The following ZNF251 variants were observed in gnomAD, a reference collection of about 807,000 sequenced individuals.
The protein encoded by ZNF251 is zinc finger protein 251.
Under a neutral mutation model 13.5 loss-of-function variants are expected in ZNF251, and 14 were observed. That is an observed-to-expected ratio of 1.04 (90% confidence interval 0.69 to 1.63). The LOEUF (loss-of-function observed/expected upper bound fraction) is 1.63. Ranked by LOEUF, ZNF251 falls within the 40% of genes most tolerant of loss-of-function variation. The pLI is 0.00. For missense variants in ZNF251, 764 were observed against 834.9 expected, an observed-to-expected ratio of 0.92 and a Z score of 1.05; for synonymous variants, 287 against 295.2, an observed-to-expected ratio of 0.97 and a Z score of 0.28.
intron 4 of ZNF251, among the ~76,000 whole-genome samples, chr8:144,743,148 C>T (rs1824246696): frequency 6.6e-6 from 1 of 152,178 alleles, no homozygotes; most frequent in Non-Finnish European, 1.5e-5. Flanking sequence ...ACTGCAAACT[C>T]CGCCTCCCGG....
intron 4 of ZNF251, among the ~76,000 whole-genome samples, chr8:144,730,602 C>T (rs1823665346): frequency 6.6e-6 from 1 of 152,102 alleles, no homozygotes; most frequent in African/African-American, 2.4e-5. Flanking sequence ...ACGGGGCGTC[C>T]CGGGGCAGGG....
chr8:144,754,688 T>C lies in ZNF251; in HGVS notation c.33+8A>G, dbSNP rs1341465571. On this transcript the variant is annotated splice_region_variant and intron_variant, in intron 2 of 4. Coordinates refer to ENST00000292562, the MANE Select transcript of ZNF251 (RefSeq NM_138367.2). ...TGAAGAGGTGGGCAGGAAGGAGGGT[T>C]AACTCACCTGGTGCCCTGGAAGCTG... 4 of 1,607,628 alleles carry C rather than the reference T, an allele frequency of 2.5e-6. No homozygotes were observed. The East Asian group carries it at 8.9e-5, about 36-fold the overall frequency.
Position 144,722,190 on chromosome 8 carries a change from G to A in ZNF251, c.1470C>T (p.Asp490=), listed in dbSNP as rs1221699574. 3 of 1,613,124 alleles carry A rather than the reference G, an allele frequency of 1.9e-6. No individual in the cohort carries two copies. The East Asian group carries it at 6.7e-5, about 36-fold the overall frequency. Residue 490 remains aspartate (D), a synonymous_variant, in exon 5 of 5, where the codon GAC becomes GAT. Coordinates refer to ENST00000292562, the MANE Select transcript of ZNF251 (RefSeq NM_138367.2). This position sits in a 1 kb window ranked among gnomAD's most constrained non-coding sequence, Gnocchi z 4.8. ...TGAAGGCCTTCCCACAGTCACCACAGTCATAGGGCTTCTCTCCAGTGTGAA... is the reference window on the plus strand; with the variant it reads ...TGAAGGCCTTCCCACAGTCACCACAATCATAGGGCTTCTCTCCAGTGTGAA... ...QRVHTGEKPY[D]CGDCGKAFSR...
chr8:144,729,384 T>A (rs1345042434), intron 4 of ZNF251, among the ~76,000 whole-genome samples: 3 of 149,942 alleles, frequency 2.0e-5, no homozygotes, highest in Non-Finnish European at 4.4e-5. Context: ...TCGCCCAGGC[T>A]GGAGTGCAGT....
At chr8:144,744,009 CTTT>C (rs1168495446) in intron 4 of ZNF251, among the ~76,000 whole-genome samples, 6 of 88,808 alleles carry the variant, frequency 6.8e-5, no homozygotes, top group African/African-American at 9.9e-5. Context: ...CTCTCGTTGT[CTTT>C]TTTTTTTTTT....
chr8:144,742,153 C>T (rs911369853), intron 4 of ZNF251, among the ~76,000 whole-genome samples: 10 of 151,350 alleles, frequency 6.6e-5, no homozygotes, highest in Admixed American at 2.6e-4. Context: ...GACTCCTCAT[C>T]GAAAGTCAAG....
intron 4 of ZNF251, among the ~76,000 whole-genome samples, chr8:144,737,834 T>G (rs1823972989): frequency 1.2e-5 from 1 of 82,324 alleles, no homozygotes; most frequent in Non-Finnish European, 2.1e-5. Context: ...CGAGACTCTG[T>G]CTCAAAAAAA....
intron 4 of ZNF251, among the ~76,000 whole-genome samples, chr8:144,741,855 T>G (rs1824179423): frequency 6.6e-6 from 1 of 152,098 alleles, no homozygotes; most frequent in South Asian, 2.1e-4. Context: ...TACAAATCTG[T>G]TAGATAATTC....
At position 144,733,082 on chromosome 8, in the gene ZNF251, C is replaced by T. The variant is rs190004813; in HGVS notation, c.278-9700G>A. ...ACTAAAAATACAAAAATTAGCCAGG[C>T]GTGGTGGCATATGCCTGTAGTCCCA... On this transcript the variant is annotated intron_variant, in intron 4 of 4. Coordinates refer to ENST00000292562, the MANE Select transcript of ZNF251 (RefSeq NM_138367.2). 8.8e-3 allele frequency among the ~76,000 whole-genome samples: 1,325 copies of T among 151,422 alleles called. 9 individuals are homozygous for T. Among genetic ancestry groups the T allele is most frequent in the Non-Finnish European group, 0.014 (975 of 67,850 alleles).
intron 4 of ZNF251, among the ~76,000 whole-genome samples, chr8:144,731,811 C>T (rs1190279363): frequency 1.3e-5 from 2 of 152,128 alleles, no homozygotes; most frequent in Non-Finnish European, 2.9e-5. Flanking sequence ...AGGTCTCGAA[C>T]TCCTGACTCC....
chr8:144,746,408 T>A (rs945522313), intron 4 of ZNF251, among the ~76,000 whole-genome samples: 1 of 152,240 alleles, frequency 6.6e-6, no homozygotes, highest in Non-Finnish European at 1.5e-5. Flanking sequence ...TTGTTGGGAT[T>A]TTTGCATTTA....
At chr8:144,737,361 G>T (rs1410407610) in intron 4 of ZNF251, among the ~76,000 whole-genome samples, 3 of 152,216 alleles carry the variant, frequency 2.0e-5, no homozygotes, top group South Asian at 4.1e-4. Flanking sequence ...GCCTTTTAAA[G>T]TGCTGGGATT....
Position 144,755,400 on chromosome 8 carries a change from C to A in ZNF251, c.-76+5G>T. Reference sequence around the variant, plus strand: ...GCGCTCCTTCCTGGTCCGACACTGCCCCACCTGTTTGCTCGACCCGGGGAA... The same window carrying A: ...GCGCTCCTTCCTGGTCCGACACTGCACCACCTGTTTGCTCGACCCGGGGAA... On this transcript the variant is annotated splice_donor_5th_base_variant and intron_variant, in intron 1 of 4. Coordinates refer to ENST00000292562, the MANE Select transcript of ZNF251 (RefSeq NM_138367.2). 7.8e-7 allele frequency: 1 copy of A among 1,288,410 alleles called. No individual in the cohort carries two copies. Among genetic ancestry groups the A allele is most frequent in the South Asian group, 1.2e-5 (1 of 81,586 alleles). 79.8% of individuals were successfully genotyped at this position (1,288,410 alleles called of 1,614,324 possible).
In ZNF251 at chr8:144,755,159, G is replaced by C; in HGVS notation, c.-76+246C>G. ...ACCAAGGCTGAGGACGTGAGAAGGA[G>C]GCCGCGGGGATGCTGCCGAAGGCCC... On this transcript the variant is annotated intron_variant, in intron 1 of 4. Coordinates refer to ENST00000292562, the MANE Select transcript of ZNF251 (RefSeq NM_138367.2). 6 of 1,183,502 alleles carry C rather than the reference G, an allele frequency of 5.1e-6. 1 individual carries two copies. The highest frequency in any genetic ancestry group is 4.9e-5 in the South Asian group (3 of 61,658). The allele number at this position is 1,183,502 out of a possible 1,614,324, so 73.3% of individuals were successfully genotyped here. A position where few individuals can be genotyped will look rare whatever the true frequency, so the allele number is the denominator to read the frequency against.
intron 2 of ZNF251, 27 bp downstream of exon 2, chr8:144,754,669 G>C (rs1441621130): frequency 1.3e-6 from 2 of 1,596,086 alleles, no homozygotes; most frequent in Non-Finnish European, 1.7e-6. Context: ...AAGATGAAGA[G>C]GTGGGCAGGA....
chr8:144,743,985 G>A (rs1824289545), intron 4 of ZNF251, among the ~76,000 whole-genome samples: 1 of 149,982 alleles, frequency 6.7e-6, no homozygotes, highest in Non-Finnish European at 1.5e-5. Flanking sequence ...CCAATCTATG[G>A]ACTGTTTCTC....
intron 4 of ZNF251, among the ~76,000 whole-genome samples, chr8:144,747,527 C>T (rs1824485222): frequency 1.3e-5 from 2 of 152,242 alleles, no homozygotes; most frequent in South Asian, 4.1e-4. Context: ...TGTCCATTTA[C>T]GATAGAGGGT....
Position 144,721,979 on chromosome 8 carries a change from T to C in ZNF251, c.1681A>G (p.Thr561Ala), listed in dbSNP as rs376411922. Residue 561 changes from threonine (T) to alanine (A), a missense_variant, in exon 5 of 5, where the codon ACT becomes GCT. Thr to Ala is a moderately conservative substitution (Grantham distance 58). Transcript: ENST00000292562. ...TTACATCCAAAGGATTTCTCACCAG[T>C]GTGAACTGTCCAGCGCAGAATGAGA... The part of the protein sequence containing the change: ...ANLILRWTVH[T>A]GEKSFGCNEY... 1.3e-5 allele frequency: 20 copies of C among 1,551,720 alleles called. No individual in the cohort carries two copies. Among genetic ancestry groups the C allele is most frequent in the Non-Finnish European group, 1.7e-5 (20 of 1,148,914 alleles).
chr8:144,732,536 G>T (rs1467067551), intron 4 of ZNF251, among the ~76,000 whole-genome samples: 3 of 152,016 alleles, frequency 2.0e-5, no homozygotes, highest in Non-Finnish European at 4.4e-5. Flanking sequence ...AGCCAAGCCG[G>T]GCGCGGTGGC....
Sources: gnomAD v4.1 joint callset for allele counts (sites outside exome capture counted in the v4.1 genomes callset) on GRCh38, gnomAD v4.1.1 for gene constraint, Gnocchi (gnomAD v3.1) non-coding constraint, MANE v1.5 for transcripts, NCBI Gene and HGNC (gene_info 2026-07-23, HGNC 2026-07-21) for gene names.